CDH4: variants seen among roughly 807,000 people sequenced by gnomAD.
CDH4 encodes the protein cadherin 4, also known as cadherin-4.
In CDH4, 33 loss-of-function variants were observed where a neutral mutation model predicts 86.0. That is an observed-to-expected ratio of 0.38 (90% CI 0.29 to 0.51). The LOEUF (loss-of-function observed/expected upper bound fraction) is 0.51. Among genes scored for constraint, CDH4 ranks in the 20% least tolerant of loss-of-function variants. The probability of loss-of-function intolerance (pLI) is 0.86; values close to 1 mark genes in which losing one functional copy is unlikely to be tolerated. For missense variants in CDH4, 1,114 were observed against 1,307.4 expected, an observed-to-expected ratio of 0.85 and a Z score of 2.28; for synonymous variants, 555 against 549.4, an observed-to-expected ratio of 1.01 and a Z score of -0.14.
chr20:61,459,573 C>T (rs2085430440), intron 2 of CDH4, among the ~76,000 whole-genome samples: 1 of 150,514 alleles, frequency 6.6e-6, no homozygotes, highest in Non-Finnish European at 1.5e-5. Flanking sequence ...CGCTCACAAC[C>T]AGTGCAAGAG....
Position 61,595,131 on chromosome 20 carries a change from A to G in CDH4, c.170-148432A>G, listed in dbSNP as rs185103059. Among the ~76,000 whole-genome samples the G allele has an allele frequency of 1.6e-4, 25 of 152,054 alleles. No homozygotes were observed. The East Asian group carries it at 4.9e-3, about 30-fold the overall frequency. On this transcript the variant is annotated intron_variant, in intron 2 of 15. Coordinates refer to ENST00000614565, the MANE Select transcript of CDH4 (RefSeq NM_001794.5). ...ATCAGGACCTGTGCAGCGCCCCAGG[A>G]CCTCCCACCCTTGGGTCCACCTGAG...
At chr20:61,418,436 C>T (rs2085159072) in intron 2 of CDH4, among the ~76,000 whole-genome samples, 1 of 152,254 alleles carries the variant, frequency 6.6e-6, no homozygotes, top group South Asian at 2.1e-4. Flanking sequence ...TGGTCTCGAT[C>T]TCCTGACCTC....
At chr20:61,906,372 C>T (rs1412783890) in intron 8 of CDH4, among the ~76,000 whole-genome samples, 4 of 152,238 alleles carry the variant, frequency 2.6e-5, no homozygotes, top group Non-Finnish European at 1.5e-5. Context: ...CACACTAGAC[C>T]AAGCTGACCA....
At chr20:61,806,705 G>A (rs1443533363) in intron 4 of CDH4, among the ~76,000 whole-genome samples, 2 of 152,218 alleles carry the variant, frequency 1.3e-5, no homozygotes, top group African/African-American at 4.8e-5. Context: ...TTCTGCGGGG[G>A]AAGTGAGGAC....
chr20:61,399,488 A>G lies in CDH4; in HGVS notation c.169+144551A>G, dbSNP rs1041966521. Among the ~76,000 whole-genome samples the G allele has an allele frequency of 2.6e-5, 4 of 152,210 alleles. No homozygotes were observed. In the East Asian group the frequency reaches 7.7e-4, roughly 29 times the overall value. On this transcript the variant is annotated intron_variant, in intron 2 of 15. Transcript: ENST00000614565. ...GAAAATTTCAAACGTACCCAAAGGT[A>G]GAGAGCATAGTATCCCTGAGCCCCT... is the stretch of plus-strand genomic sequence containing the variant.
chr20:61,254,891 G>C lies in CDH4; in HGVS notation c.123G>C (p.Thr41=). 1 of 1,613,308 alleles carries C rather than the reference G, an allele frequency of 6.2e-7. No individual in the cohort carries two copies. Among genetic ancestry groups the C allele is most frequent in the South Asian group, 1.1e-5 (1 of 91,052 alleles). Residue 41 remains threonine, a synonymous_variant, in exon 2 of 16, where the codon ACG becomes ACC. Coordinates refer to ENST00000614565, the MANE Select transcript of CDH4 (RefSeq NM_001794.5). ...CKAGFSEDDY[T]ALISQNILEG... ...CTGGGTTCTCTGAAGATGATTACAC[G>C]GCATTAATCTCCCAAAATATTCTAG...
intron 2 of CDH4, among the ~76,000 whole-genome samples, chr20:61,545,733 C>T (rs1328447247): frequency 6.6e-6 from 1 of 151,564 alleles, no homozygotes; most frequent in African/African-American, 2.4e-5. Flanking sequence ...TCCTGCACAC[C>T]GAGACAGTGT....
chr20:61,467,072 C>T (rs866750826), intron 2 of CDH4, among the ~76,000 whole-genome samples: 9 of 152,160 alleles, frequency 5.9e-5, no homozygotes, highest in Middle Eastern at 3.2e-3. Flanking sequence ...TTTAATAAAC[C>T]ATTGCAAACA....
At position 61,252,971 on chromosome 20, in the gene CDH4, G is replaced by T. The variant is rs1414375374; in HGVS notation, c.57+401G>T. Among the ~76,000 whole-genome samples the T allele has an allele frequency of 2.0e-5, 3 of 151,768 alleles. No homozygotes were observed. The highest frequency in any genetic ancestry group is 2.9e-5 in the Non-Finnish European group (2 of 67,910). ...AGCCGCGCGCCGCGGGAGTTGCCGA[G>T]CCCAGCCCCGGCCGTGGCTGAAGGC... On this transcript the variant is annotated intron_variant, in intron 1 of 15. Coordinates refer to ENST00000614565, the MANE Select transcript of CDH4 (RefSeq NM_001794.5). The surrounding 1 kb of genome is among the most constrained non-coding windows in gnomAD (Gnocchi z 4.4).
intron 2 of CDH4, among the ~76,000 whole-genome samples, chr20:61,477,253 G>T (rs1454076449): frequency 6.6e-6 from 1 of 152,220 alleles, no homozygotes; most frequent in African/African-American, 2.4e-5. Context: ...TATGGCCAAT[G>T]GGCAAATGCA....
At chr20:61,634,805 C>A (rs1343457282) in intron 2 of CDH4, among the ~76,000 whole-genome samples, 3 of 152,250 alleles carry the variant, frequency 2.0e-5, no homozygotes, top group African/African-American at 4.8e-5. Context: ...TAAACACAAA[C>A]TTCCCACTTC....
At position 61,516,975 on chromosome 20, in the gene CDH4, G is replaced by T. The variant is rs150972959; in HGVS notation, c.170-226588G>T. Among the ~76,000 whole-genome samples, 1 of 152,158 alleles carries T rather than the reference G, an allele frequency of 6.6e-6. No homozygotes were observed. The highest frequency in any genetic ancestry group is 1.9e-4 in the East Asian group (1 of 5,172). The stretch of plus-strand genomic sequence containing the variant: ...TTCAATGTATTGGGATGTCATGCAC[G>T]CCCTGAAAAATGCAGGCATGATTAG... On this transcript the variant is annotated intron_variant, in intron 2 of 15. Coordinates refer to ENST00000614565, the MANE Select transcript of CDH4 (RefSeq NM_001794.5). This position sits in a 1 kb window ranked among gnomAD's most constrained non-coding sequence, Gnocchi z 4.0.
intron 2 of CDH4, among the ~76,000 whole-genome samples, chr20:61,369,294 T>A (rs1264223753): frequency 6.6e-6 from 1 of 151,266 alleles, no homozygotes; most frequent in African/African-American, 2.4e-5. Flanking sequence ...CTACTAAAAA[T>A]ACAAAAATTA....
At position 61,754,347 on chromosome 20, in the gene CDH4, C is replaced by G. The variant is rs2088533051; in HGVS notation, c.396+10558C>G. Among the ~76,000 whole-genome samples, 1 of 152,100 alleles carries G rather than the reference C, an allele frequency of 6.6e-6. No individual in the cohort carries two copies. The highest frequency in any genetic ancestry group is 6.5e-5 in the Admixed American group (1 of 15,274). ...GAGTGTCCCCAGCCAGGGGTCCCGC[C>G]CAGGGCTCCAAATACCCCTGAATCC... On this transcript the variant is annotated intron_variant, in intron 3 of 15. Transcript: ENST00000614565. This position sits in a 1 kb window ranked among gnomAD's most constrained non-coding sequence, Gnocchi z 4.7.
intron 4 of CDH4, among the ~76,000 whole-genome samples, chr20:61,828,974 C>T (rs73917529): frequency 0.04 from 6,141 of 152,274 alleles, 220 homozygotes; most frequent in African/African-American, 0.097. Context: ...CATCCACATG[C>T]GCAGGTCACA....
intron 4 of CDH4, among the ~76,000 whole-genome samples, chr20:61,782,796 C>A (rs927796124): frequency 1.3e-5 from 2 of 152,120 alleles, no homozygotes; most frequent in East Asian, 3.9e-4. Flanking sequence ...AAATGAATTT[C>A]TTTAAGGCTG....
intron 2 of CDH4, among the ~76,000 whole-genome samples, chr20:61,405,739 G>A (rs1252179309): frequency 6.6e-6 from 1 of 151,506 alleles, no homozygotes; most frequent in Admixed American, 6.6e-5. Context: ...TGTCACCCAG[G>A]CTGGAGTGCA....
chr20:61,672,153 A>G (rs1270665084), intron 2 of CDH4, among the ~76,000 whole-genome samples: 2 of 151,024 alleles, frequency 1.3e-5, no homozygotes, highest in Admixed American at 1.3e-4. Context: ...ATATGGGTGG[A>G]TGGGTTGATG....
At chr20:61,346,802 G>T (rs2084681652) in intron 2 of CDH4, among the ~76,000 whole-genome samples, 1 of 151,588 alleles carries the variant, frequency 6.6e-6, no homozygotes, top group African/African-American at 2.4e-5. Flanking sequence ...GGGGGCCAGG[G>T]TGCAGCAGGA....
Sources: gnomAD v4.1 joint callset for allele counts (sites outside exome capture counted in the v4.1 genomes callset) on GRCh38, gnomAD v4.1.1 for gene constraint, Gnocchi (gnomAD v3.1) non-coding constraint, MANE v1.5 for transcripts, NCBI Gene and HGNC (gene_info 2026-07-23, HGNC 2026-07-21) for gene names.